Variants in CGNL1 observed in about 807,000 individuals in gnomAD.
The protein encoded by CGNL1 is cingulin-like protein 1.
Under a neutral mutation model 141.2 loss-of-function variants are expected in CGNL1, and 132 were observed. The observed-to-expected ratio is 0.93, with a 90% CI of 0.81 to 1.08. CGNL1 has a LOEUF of 1.08. Among genes scored for constraint, CGNL1 ranks in the 50% least tolerant of loss-of-function variants. CGNL1 has a pLI of 0.00. For missense variants in CGNL1, 1,870 were observed against 1,588.6 expected (o/e 1.18, Z -3.01); for synonymous variants, 690 against 622.1 (o/e 1.11, Z -1.63).
intron 1 of CGNL1, among the ~76,000 whole-genome samples, chr15:57,430,953 C>T (rs568307385): frequency 1.3e-5 from 2 of 152,138 alleles, no homozygotes; most frequent in East Asian, 1.9e-4. Flanking sequence ...AATTCCTGGC[C>T]GCAGGTGATC....
intron 8 of CGNL1, among the ~76,000 whole-genome samples, chr15:57,474,694 A>G (rs943704634): frequency 6.6e-6 from 1 of 152,242 alleles, no homozygotes; most frequent in Non-Finnish European, 1.5e-5. Flanking sequence ...GTTATAAAAA[A>G]CATACATAAT....
chr15:57,389,538 C>T (rs56940098), intron 1 of CGNL1, among the ~76,000 whole-genome samples: 2,855 of 152,270 alleles, frequency 0.019, 72 homozygotes, highest in African/African-American at 0.045. Flanking sequence ...CTTGGAGTTA[C>T]GCTTGACCAA....
intron 14 of CGNL1, among the ~76,000 whole-genome samples, 174 bp downstream of exon 14, chr15:57,531,953 A>T (rs1020254400): frequency 3.9e-5 from 6 of 152,112 alleles, no homozygotes; most frequent in African/African-American, 1.4e-4. Context: ...CTTTGACCAG[A>T]TTACTTGTAT....
At chr15:57,533,324 G>C (rs1468371272) in intron 14 of CGNL1, among the ~76,000 whole-genome samples, 1 of 152,140 alleles carries the variant, frequency 6.6e-6, no homozygotes, top group Non-Finnish European at 1.5e-5. Context: ...CAGATAGAGA[G>C]CTCAACCTTG....
chr15:57,445,071 G>A (rs150642295), intron 4 of CGNL1, among the ~76,000 whole-genome samples: 1 of 152,114 alleles, frequency 6.6e-6, no homozygotes, highest in African/African-American at 2.4e-5. Context: ...AGACCAGCCT[G>A]GGCAATGTAG....
chr15:57,516,158 C>CAAAAAAAAAAA (rs10559176), intron 8 of CGNL1, among the ~76,000 whole-genome samples: 21 of 73,236 alleles, frequency 2.9e-4, no homozygotes, highest in South Asian at 5.5e-4. Context: ...GACTCTGTCT[C>CAAAAAAAAAAA]AAAAAAAAAA....
In CGNL1 at chr15:57,397,878, G is replaced by A. The variant is rs184589662; in HGVS notation, c.-16+21311G>A. On this transcript the variant is annotated intron_variant, in intron 1 of 18. Transcript: ENST00000281282. ...GCTCACTGCAATCTCCACCTCCTGG[G>A]TTCAAGCCATTCTCCTGTCTCAGCC... Among the ~76,000 whole-genome samples, 275 of 152,026 alleles carry A rather than the reference G, an allele frequency of 1.8e-3. 4 individuals carry two copies. The highest frequency in any genetic ancestry group is 9.3e-3 in the Admixed American group (142 of 15,282).
chr15:57,417,751 G>C (rs2062865468), intron 1 of CGNL1, among the ~76,000 whole-genome samples: 1 of 152,086 alleles, frequency 6.6e-6, no homozygotes, highest in Admixed American at 6.6e-5. Flanking sequence ...TATAGCCCCT[G>C]TTCTCATGGA....
chr15:57,515,903 A>G (rs1215227368), intron 8 of CGNL1, among the ~76,000 whole-genome samples: 1 of 152,154 alleles, frequency 6.6e-6, no homozygotes, highest in Non-Finnish European at 1.5e-5. Context: ...TCACACCTGT[A>G]ATCCCAGCAC....
rs149025211 is a variant in CGNL1, at chr15:57,385,533, C to G, written c.-16+8966C>G. Among the ~76,000 whole-genome samples, 6 of 152,302 alleles carry G rather than the reference C, an allele frequency of 3.9e-5. No individual in the cohort carries two copies. In the East Asian group the frequency reaches 1.2e-3, roughly 29 times the overall value. On this transcript the variant is annotated intron_variant, in intron 1 of 18. Transcript: ENST00000281282. ...AGTTTCATCTCCTGTATTTTCATTC[C>G]TTCTTCACACTGTGGGGCAAAGAAA...
chr15:57,450,822 C>G (rs1381539354), intron 4 of CGNL1, among the ~76,000 whole-genome samples: 10 of 152,136 alleles, frequency 6.6e-5, no homozygotes, highest in African/African-American at 2.4e-4. Context: ...ATTTGCTACT[C>G]TATCATGGCA....
chr15:57,452,601 G>C (rs1486718827), intron 6 of CGNL1, among the ~76,000 whole-genome samples: 4 of 152,172 alleles, frequency 2.6e-5, no homozygotes, highest in African/African-American at 9.7e-5. Context: ...CTGAAAGACA[G>C]AGTTCAAGGA....
Position 57,531,549 on chromosome 15 carries a change from G to A in CGNL1, c.3202-141G>A, listed in dbSNP as rs117750187. The A allele has an allele frequency of 2.8e-3, 1,844 of 650,068 alleles. 7 individuals are homozygous for A. Among genetic ancestry groups the A allele is most frequent in the Non-Finnish European group, 3.5e-3 (1,263 of 356,908 alleles). The allele number at this position is 650,068 out of a possible 1,614,324, so 40.3% of individuals were successfully genotyped here. ...GAAATATCTGCTTTGGGCAATGTAA[G>A]AAATAGATATATTGTTTTTCCAAAC... On this transcript the variant is annotated intron_variant, in intron 13 of 18. Transcript: ENST00000281282.
intron 8 of CGNL1, among the ~76,000 whole-genome samples, chr15:57,509,198 C>T (rs2029997517): frequency 6.6e-6 from 1 of 152,176 alleles, no homozygotes. Flanking sequence ...GGGGATGCTT[C>T]TAGTACCTCT....
intron 8 of CGNL1, among the ~76,000 whole-genome samples, chr15:57,464,439 T>C (rs960160293): frequency 9.9e-5 from 15 of 152,214 alleles, no homozygotes; most frequent in African/African-American, 3.6e-4. Context: ...GTCAAGAGCC[T>C]GTGCTCTTAG....
chr15:57,435,913 C>T (rs2063100349), intron 1 of CGNL1, among the ~76,000 whole-genome samples: 1 of 152,060 alleles, frequency 6.6e-6, no homozygotes, highest in African/African-American at 2.4e-5. Flanking sequence ...GAGGGAAGCT[C>T]AATATATTTA....
At chr15:57,463,343 G>A (rs2063469645) in intron 8 of CGNL1, among the ~76,000 whole-genome samples, 1 of 152,198 alleles carries the variant, frequency 6.6e-6, no homozygotes. Flanking sequence ...GAGATCATCA[G>A]TAGAGACTTA....
intron 1 of CGNL1, among the ~76,000 whole-genome samples, chr15:57,414,764 G>A (rs998186288): frequency 6.6e-5 from 10 of 152,160 alleles, no homozygotes; most frequent in African/African-American, 2.2e-4. Context: ...TTCTTAGGCC[G>A]AGGTTAGGGT....
At chr15:57,418,839 C>T (rs1460449451) in intron 1 of CGNL1, among the ~76,000 whole-genome samples, 1 of 152,146 alleles carries the variant, frequency 6.6e-6, no homozygotes, top group Non-Finnish European at 1.5e-5. Context: ...CGCTGGCCGT[C>T]CGACATGCCA....
Sources: gnomAD v4.1 joint callset for allele counts (sites outside exome capture counted in the v4.1 genomes callset) on GRCh38, gnomAD v4.1.1 for gene constraint, MANE v1.5 for transcripts, NCBI Gene and HGNC (gene_info 2026-07-23, HGNC 2026-07-21) for gene names.